ADAMTSL1: variants seen among roughly 807,000 people sequenced by gnomAD.
The protein encoded by ADAMTSL1 is ADAMTS like 1.
In ADAMTSL1, 126 loss-of-function variants were observed where a neutral mutation model predicts 201.8. That is an observed-to-expected ratio of 0.62 (90% CI 0.54 to 0.72). The LOEUF (loss-of-function observed/expected upper bound fraction) is 0.72, where lower values mean the gene tolerates loss of function less well. Among genes scored for constraint, ADAMTSL1 ranks in the 30% least tolerant of loss-of-function variants. The probability of loss-of-function intolerance (pLI) is 0.00; values close to 1 mark genes in which losing one functional copy is unlikely to be tolerated. For missense variants in ADAMTSL1, 2,679 were observed against 2,277.8 expected (o/e 1.18, Z -3.59); for synonymous variants, 1,121 against 903.4 (o/e 1.24, Z -4.32).
chr9:17,931,447 C>T (rs1826783735), intron 1 of ADAMTSL1, among the ~76,000 whole-genome samples: 1 of 152,142 alleles, frequency 6.6e-6, no homozygotes, highest in East Asian at 1.9e-4. Context: ...AGCTAGCTGT[C>T]ATTTGGAAAA....
intron 1 of ADAMTSL1, among the ~76,000 whole-genome samples, chr9:17,936,715 C>T (rs1308054850): frequency 6.6e-6 from 1 of 152,178 alleles, no homozygotes; most frequent in Non-Finnish European, 1.5e-5. Context: ...GCAGGTACCA[C>T]CCCTGCTTGC....
rs183801179 is a variant in ADAMTSL1 at position 18,305,874 on chromosome 9, T to C, written c.207+141893T>C. 7.6e-4 allele frequency among the ~76,000 whole-genome samples: 115 copies of C among 152,024 alleles called. 1 individual carries two copies. The highest frequency in any genetic ancestry group is 2.7e-3 in the African/African-American group (111 of 41,518). On this transcript the variant is annotated intron_variant, in intron 2 of 29. Coordinates refer to the ADAMTSL1 transcript ENST00000680146. ...AAGCTCTACTAAGAGACAGACTGCC[T>C]CCTCAAGTGGGTCCCTGACCTCCAT... is the stretch of plus-strand genomic sequence containing the variant.
intron 1 of ADAMTSL1, among the ~76,000 whole-genome samples, chr9:18,081,493 C>T (rs748798405): frequency 6.6e-6 from 1 of 152,086 alleles, no homozygotes; most frequent in East Asian, 1.9e-4. Flanking sequence ...TCCTATTAAA[C>T]ATTTAACAAG....
intron 2 of ADAMTSL1, among the ~76,000 whole-genome samples, chr9:18,277,494 T>G (rs1832629670): frequency 6.6e-6 from 1 of 152,204 alleles, no homozygotes; most frequent in Admixed American, 6.5e-5. Context: ...TTATATTGTC[T>G]TGATGAGTTG....
chr9:18,288,605 G>A (rs531314653), intron 2 of ADAMTSL1, among the ~76,000 whole-genome samples: 4 of 151,906 alleles, frequency 2.6e-5, no homozygotes, highest in African/African-American at 7.3e-5. Context: ...AAGGCAAGAA[G>A]GCAGGAAGAC....
rs1402821434 is a variant in ADAMTSL1 at position 18,176,027 on chromosome 9, A to AT, written c.207+12046_207+12047insT. ...GAAAGCAAAAAAAAAAAAAAAAAAA[A>AT]AAAAAAGGCAAACAAAGGTTTCGTT... On this transcript the variant is annotated intron_variant, in intron 2 of 29. Transcript: ENST00000680146. 1.4e-3 allele frequency among the ~76,000 whole-genome samples: 207 copies of AT among 146,456 alleles called. 1 individual carries two copies. In the East Asian group the frequency reaches 0.015, roughly 10 times the overall value.
At chr9:18,399,280 CATATATATATATATATAT>C (rs561622408) in intron 2 of ADAMTSL1, among the ~76,000 whole-genome samples, 517 of 31,014 alleles carry the variant, frequency 0.017, 28 homozygotes, top group East Asian at 0.09. Context: ...GTCTGCTTTA[CATATATATATATATATAT>C]ATATATATAT....
chr9:18,599,466 G>T (rs989679731), intron 4 of ADAMTSL1, among the ~76,000 whole-genome samples: 2 of 152,104 alleles, frequency 1.3e-5, no homozygotes, highest in Non-Finnish European at 1.5e-5. Flanking sequence ...TCATGCATGG[G>T]TTTCTATTTT....
At chr9:18,903,053 A>AAATT (rs1028172335) in intron 26 of ADAMTSL1, among the ~76,000 whole-genome samples, 8 of 152,086 alleles carry the variant, frequency 5.3e-5, no homozygotes, top group African/African-American at 1.7e-4. Flanking sequence ...AAAAATACAA[A>AAATT]AATTAGCCAG....
At chr9:18,512,827 A>G (rs1045938361) in intron 2 of ADAMTSL1, among the ~76,000 whole-genome samples, 1 of 152,180 alleles carries the variant, frequency 6.6e-6, no homozygotes, top group South Asian at 2.1e-4. Flanking sequence ...CCTTTTTTAC[A>G]GTGCTTAGCA....
intron 1 of ADAMTSL1, among the ~76,000 whole-genome samples, chr9:17,993,310 A>G (rs1819239884): frequency 6.6e-6 from 1 of 152,200 alleles, no homozygotes; most frequent in African/African-American, 2.4e-5. Flanking sequence ...ATATTTGATC[A>G]TGAATGTTTT....
At chr9:18,886,305 C>T (rs1420938921) in intron 23 of ADAMTSL1, among the ~76,000 whole-genome samples, 1 of 150,088 alleles carries the variant, frequency 6.7e-6, no homozygotes, top group Non-Finnish European at 1.5e-5. Flanking sequence ...GTAATTGTAG[C>T]TACTTGGGAG....
At chr9:18,008,399 AC>A (rs1563946312) in intron 1 of ADAMTSL1, among the ~76,000 whole-genome samples, 1 of 151,818 alleles carries the variant, frequency 6.6e-6, no homozygotes, top group Admixed American at 6.6e-5. Flanking sequence ...TAACAAACAA[AC>A]TTTTTTACCA....
At chr9:18,892,663 A>G in intron 26 of ADAMTSL1, 67 bp downstream of exon 26, 1 of 1,500,220 alleles carries the variant, frequency 6.7e-7, no homozygotes, top group Admixed American at 2.0e-5. Context: ...CACAGTAGGA[A>G]GTGAAATGCT....
intron 2 of ADAMTSL1, among the ~76,000 whole-genome samples, chr9:18,318,534 T>G (rs1370250048): frequency 6.6e-6 from 1 of 152,216 alleles, no homozygotes; most frequent in East Asian, 1.9e-4. Context: ...GAACCACTGT[T>G]TAAAAACATT....
chr9:18,459,686 T>C (rs1246845322), intron 2 of ADAMTSL1, among the ~76,000 whole-genome samples: 2 of 152,228 alleles, frequency 1.3e-5, no homozygotes, highest in South Asian at 2.1e-4. Flanking sequence ...TTTACAAAAA[T>C]TGATTCTCAA....
intron 1 of ADAMTSL1, among the ~76,000 whole-genome samples, chr9:18,008,702 T>G (rs1819931978): frequency 6.6e-6 from 1 of 151,872 alleles, no homozygotes; most frequent in Non-Finnish European, 1.5e-5. Flanking sequence ...ACCTTAGCAA[T>G]TAGGTGCTCT....
At chr9:18,474,904 G>A (rs1032671490) in intron 1 of ADAMTSL1, among the ~76,000 whole-genome samples, 1 of 152,134 alleles carries the variant, frequency 6.6e-6, no homozygotes, top group Admixed American at 6.5e-5. Flanking sequence ...AGAAGAAAAA[G>A]GAATGGTGAC....
chr9:18,307,339 A>G (rs1275065394), intron 2 of ADAMTSL1, among the ~76,000 whole-genome samples: 5 of 152,196 alleles, frequency 3.3e-5, no homozygotes, highest in Non-Finnish European at 7.3e-5. Context: ...AAATTCACAC[A>G]TAACAATATT....
Sources: gnomAD v4.1 joint callset for allele counts (sites outside exome capture counted in the v4.1 genomes callset) on GRCh38, gnomAD v4.1.1 for gene constraint, MANE v1.5 for transcripts, NCBI Gene and HGNC (gene_info 2026-07-23, HGNC 2026-07-21) for gene names.